The following MYO1E variants were observed in gnomAD, a reference collection of about 807,000 sequenced individuals.
MYO1E encodes myosin IE, also known as unconventional myosin-Ie.
Under a neutral mutation model 151.1 loss-of-function variants are expected in MYO1E, and 68 were observed. That is an observed-to-expected ratio of 0.45 (90% confidence interval 0.37 to 0.55). The LOEUF is 0.55. Among genes scored for constraint, MYO1E ranks in the 20% least tolerant of loss-of-function variants. The pLI, the probability that MYO1E is intolerant of heterozygous loss-of-function variation, is 0.00. For missense variants in MYO1E, 1,363 were observed against 1,389.3 expected, an observed-to-expected ratio of 0.98 and a Z score of 0.30; for synonymous variants, 601 against 501.7, an observed-to-expected ratio of 1.20 and a Z score of -2.64.
At chr15:59,318,473 A>T (rs998060117) in intron 1 of MYO1E, among the ~76,000 whole-genome samples, 4 of 152,224 alleles carry the variant, frequency 2.6e-5, no homozygotes, top group African/African-American at 9.6e-5. Context: ...TGAGAACTGG[A>T]GGACTAAAGG....
rs541871247 is a variant in MYO1E at position 59,231,617 on chromosome 15, C to T, written c.510+85G>A. 27 of 1,394,002 alleles carry T rather than the reference C, an allele frequency of 1.9e-5. No individual in the cohort carries two copies. The African/African-American group carries it at 3.3e-4, about 17-fold the overall frequency. 86.4% of individuals were successfully genotyped at this position (1,394,002 alleles called of 1,614,324 possible). A position where few individuals can be genotyped will look rare whatever the true frequency, so the allele number is the denominator to read the frequency against. On this transcript the variant is annotated intron_variant, in intron 6 of 27. Transcript: ENST00000288235. ...CTCCTGATGATATGTGAAAGGCTCCCATTTCCTGTGGGATACTAGACTTCA... is the reference window on the plus strand; with the variant it reads ...CTCCTGATGATATGTGAAAGGCTCCTATTTCCTGTGGGATACTAGACTTCA...
chr15:59,253,057 T>C (rs2080174318), intron 4 of MYO1E, among the ~76,000 whole-genome samples: 1 of 152,226 alleles, frequency 6.6e-6, no homozygotes, highest in South Asian at 2.1e-4. Flanking sequence ...AGAGTGTCAC[T>C]GTTCAACAAC....
At chr15:59,251,859 T>C (rs1353700061) in intron 4 of MYO1E, among the ~76,000 whole-genome samples, 2 of 152,238 alleles carry the variant, frequency 1.3e-5, no homozygotes, top group East Asian at 3.8e-4. Context: ...TTATTTTAAG[T>C]GACTTTTATG....
At chr15:59,267,775 T>C (rs2080265304) in intron 2 of MYO1E, among the ~76,000 whole-genome samples, 1 of 152,234 alleles carries the variant, frequency 6.6e-6, no homozygotes, top group Non-Finnish European at 1.5e-5. Context: ...TAGACAACAC[T>C]GTAATGTTTT....
At chr15:59,247,261 T>C (rs1449389625) in intron 4 of MYO1E, among the ~76,000 whole-genome samples, 1 of 152,178 alleles carries the variant, frequency 6.6e-6, no homozygotes, top group African/African-American at 2.4e-5. Flanking sequence ...TCCTAGGAGC[T>C]CAAGTCCAGG....
chr15:59,222,673 C>G (rs143218566), intron 9 of MYO1E, among the ~76,000 whole-genome samples: 1 of 152,100 alleles, frequency 6.6e-6, no homozygotes, highest in Non-Finnish European at 1.5e-5. Context: ...AATTTAGATC[C>G]TAAAGACCAG....
chr15:59,256,218 C>T (rs1270722363), intron 4 of MYO1E, 66 bp downstream of exon 4: 4 of 1,310,540 alleles, frequency 3.1e-6, no homozygotes, highest in Admixed American at 1.7e-5. Flanking sequence ...TGCTTATCGA[C>T]CGAAATCCAT....
At chr15:59,205,509 G>C in intron 14 of MYO1E, 24 bp from the exon 15 acceptor site, 2 of 1,531,052 alleles carry the variant, frequency 1.3e-6, no homozygotes, top group Admixed American at 1.7e-5. Flanking sequence ...GAAAGAAATC[G>C]AATTTCATTG....
chr15:59,253,901 C>CTTTTTTTTTTTTTTTTTTTTTTTTT (rs34819314), intron 4 of MYO1E, among the ~76,000 whole-genome samples: 29 of 135,804 alleles, frequency 2.1e-4, no homozygotes, highest in Non-Finnish European at 3.4e-4. Context: ...GACAAACAAC[C>CTTTTTTTTTTTTTTTTTTTTTTTTT]TTTTTTTTTT....
chr15:59,213,136 T>TTTTTTA (rs1555411635), intron 12 of MYO1E, among the ~76,000 whole-genome samples: 39 of 139,370 alleles, frequency 2.8e-4, no homozygotes, highest in Admixed American at 5.0e-4. Context: ...GAACTATTTA[T>TTTTTTA]TTATTATTAT....
At chr15:59,308,758 G>A (rs923282552) in intron 1 of MYO1E, among the ~76,000 whole-genome samples, 16 of 150,132 alleles carry the variant, frequency 1.1e-4, no homozygotes, top group Admixed American at 1.1e-3. Context: ...AGAATTGCTT[G>A]AACCCAGGAG....
intron 22 of MYO1E, among the ~76,000 whole-genome samples, chr15:59,165,604 C>T (rs1941249295): frequency 6.6e-6 from 1 of 152,206 alleles, no homozygotes; most frequent in African/African-American, 2.4e-5. Context: ...AAAGGCAATT[C>T]AGGGCCAACG....
At chr15:59,365,109 T>C (rs1408380267) in intron 1 of MYO1E, among the ~76,000 whole-genome samples, 1 of 146,280 alleles carries the variant, frequency 6.8e-6, no homozygotes, top group Non-Finnish European at 1.5e-5. Flanking sequence ...AACCTCGGCC[T>C]CCCAGGTTCA....
At chr15:59,322,596 G>A (rs1406972146) in intron 1 of MYO1E, among the ~76,000 whole-genome samples, 13 of 152,162 alleles carry the variant, frequency 8.5e-5, no homozygotes, top group African/African-American at 2.7e-4. Context: ...AGCCATGAGA[G>A]CCAGAGATGG....
At chr15:59,153,919 G>GA (rs2079495898) in intron 25 of MYO1E, 128 bp from the exon 26 acceptor site, 5 of 835,760 alleles carry the variant, frequency 6.0e-6, no homozygotes, top group African/African-American at 1.7e-5. Context: ...TTCCGCATTT[G>GA]AAAAAAATGG....
At chr15:59,227,386 G>A in intron 7 of MYO1E, 73 bp downstream of exon 7, 3 of 1,576,738 alleles carry the variant, frequency 1.9e-6, no homozygotes, top group Non-Finnish European at 2.6e-6. Context: ...TATAGTCTAT[G>A]CCTGAAGTCT....
intron 1 of MYO1E, among the ~76,000 whole-genome samples, chr15:59,291,929 GA>G (rs2080422121): frequency 6.6e-6 from 1 of 151,102 alleles, no homozygotes; most frequent in African/African-American, 2.4e-5. Flanking sequence ...TGCTCTAAAG[GA>G]AAAAAAAATT....
rs376624521 is a variant in MYO1E at position 59,170,764 on chromosome 15, T to C, written c.2480+1133A>G. 5.5e-4 allele frequency among the ~76,000 whole-genome samples: 83 copies of C among 152,090 alleles called. No individual in the cohort carries two copies. The South Asian group carries it at 0.016, about 29-fold the overall frequency. Reference sequence around the variant, plus strand: ...CCAGGGAAATTAGGAACAGATAGAATCAGAAACCACAGAGACACAGGCAAG... The same window carrying C: ...CCAGGGAAATTAGGAACAGATAGAACCAGAAACCACAGAGACACAGGCAAG... On this transcript the variant is annotated intron_variant, in intron 22 of 27. Transcript: ENST00000288235.
At chr15:59,355,930 G>C (rs1310979117) in intron 1 of MYO1E, among the ~76,000 whole-genome samples, 3 of 152,092 alleles carry the variant, frequency 2.0e-5, no homozygotes, top group African/African-American at 7.2e-5. Context: ...TGTTGCCCAG[G>C]CTGGTTTCGA....
Sources: gnomAD v4.1 joint callset for allele counts (sites outside exome capture counted in the v4.1 genomes callset) on GRCh38, gnomAD v4.1.1 for gene constraint, MANE v1.5 for transcripts, NCBI Gene and HGNC (gene_info 2026-07-23, HGNC 2026-07-21) for gene names.